TMEM132D: variants seen among roughly 807,000 people sequenced by gnomAD.
TMEM132D encodes mature OL transmembrane protein.
A neutral mutation model predicts 62.3 loss-of-function variants in TMEM132D; 21 were observed. That is an observed-to-expected ratio of 0.34 (90% CI 0.24 to 0.49). TMEM132D has a LOEUF of 0.49. Ranked by LOEUF, TMEM132D falls within the 20% of genes least tolerant of loss-of-function variation. The pLI is 0.99. For synonymous variants in TMEM132D, 621 were observed against 575.6 expected (o/e 1.08, Z -1.13); for missense variants, 1,346 against 1,402.8 (o/e 0.96, Z 0.65).
chr12:129,455,481 T>TAA (rs1873435897), intron 3 of TMEM132D, among the ~76,000 whole-genome samples: 1 of 152,214 alleles, frequency 6.6e-6, no homozygotes, highest in African/African-American at 2.4e-5. Flanking sequence ...CACACGTATA[T>TAA]AACGTGATTA....
In TMEM132D at chr12:129,391,036, G is replaced by A. The variant is rs370356315; in HGVS notation, c.1116-53219C>T. Among the ~76,000 whole-genome samples the A allele has an allele frequency of 1.4e-4, 22 of 152,248 alleles. No individual in the cohort carries two copies. In the East Asian group the frequency reaches 3.9e-3, roughly 27 times the overall value. On this transcript the variant is annotated intron_variant, in intron 3 of 8. Transcript: ENST00000422113. ...ACAGTACAGTACGTACTCTATAACT[G>A]TTCATTCTTATAACTATTGAATCAT...
intron 2 of TMEM132D, among the ~76,000 whole-genome samples, chr12:129,565,297 T>C (rs777936543): frequency 6.6e-6 from 1 of 152,172 alleles, no homozygotes; most frequent in Non-Finnish European, 1.5e-5. Context: ...AGCAGGAAAC[T>C]AGACCTAGAC....
rs141108255 is a variant in TMEM132D at position 129,227,300 on chromosome 12, A to AATATATATAT, written c.1300-17647_1300-17638dup. 9.2e-3 allele frequency among the ~76,000 whole-genome samples: 998 copies of AATATATATAT among 108,692 alleles called. 59 individuals carry two copies. The highest frequency in any genetic ancestry group is 0.047 in the East Asian group (157 of 3,338). 71.3% of individuals were successfully genotyped at this position (108,692 alleles called of 152,430 possible). ...ATCTGTCATCTGTCCTGCGTTAGGA[A>AATATATATAT]ATATATATATATATATATATATATA... On this transcript the variant is annotated intron_variant, in intron 4 of 8. Coordinates refer to ENST00000422113, the MANE Select transcript of TMEM132D (RefSeq NM_133448.3).
chr12:129,659,078 GTTGTTTGT>G (rs1385636106), intron 2 of TMEM132D, among the ~76,000 whole-genome samples: 1 of 145,944 alleles, frequency 6.9e-6, no homozygotes, highest in Non-Finnish European at 1.5e-5. Context: ...TTTTTTTTTT[GTTGTTTGT>G]TTGTTTGTAG....
chr12:129,734,466 T>C (rs1869355222), intron 1 of TMEM132D, among the ~76,000 whole-genome samples: 1 of 152,204 alleles, frequency 6.6e-6, no homozygotes. Context: ...CTTTGTTCAG[T>C]ACATTGTGGA....
intron 3 of TMEM132D, among the ~76,000 whole-genome samples, chr12:129,370,497 G>A (rs1448123913): frequency 6.6e-6 from 1 of 152,152 alleles, no homozygotes; most frequent in Non-Finnish European, 1.5e-5. Context: ...GTATAGTCAG[G>A]TTCATTTATG....
At chr12:129,672,371 GC>G (rs1054039022) in intron 2 of TMEM132D, among the ~76,000 whole-genome samples, 8 of 152,206 alleles carry the variant, frequency 5.3e-5, no homozygotes, top group African/African-American at 1.9e-4. Flanking sequence ...AGGGAGCCCA[GC>G]TCGTCACCTT....
chr12:129,343,603 C>A (rs765869499), intron 3 of TMEM132D, among the ~76,000 whole-genome samples: 1 of 152,010 alleles, frequency 6.6e-6, no homozygotes, highest in Admixed American at 6.5e-5. Context: ...AAAGACATCC[C>A]TAATTTTGTT....
intron 3 of TMEM132D, among the ~76,000 whole-genome samples, chr12:129,460,374 C>T (rs372233375): frequency 5.3e-5 from 8 of 152,216 alleles, no homozygotes; most frequent in South Asian, 2.1e-4. Flanking sequence ...TTTGAAAAAG[C>T]GGATAAGGTC....
At chr12:129,386,582 A>G (rs943880568) in intron 3 of TMEM132D, among the ~76,000 whole-genome samples, 1 of 151,890 alleles carries the variant, frequency 6.6e-6, no homozygotes, top group Non-Finnish European at 1.5e-5. Flanking sequence ...ACCAACGCCA[A>G]TGCCAACACT....
intron 3 of TMEM132D, among the ~76,000 whole-genome samples, chr12:129,457,336 A>G (rs1761818267): frequency 1.3e-5 from 2 of 150,642 alleles, no homozygotes; most frequent in Admixed American, 6.6e-5. Flanking sequence ...AAACTATTGC[A>G]AGGACAAAAA....
At chr12:129,762,346 T>G (rs979742044) in intron 1 of TMEM132D, among the ~76,000 whole-genome samples, 2 of 152,000 alleles carry the variant, frequency 1.3e-5, no homozygotes, top group Admixed American at 6.5e-5. Context: ...ATGGGCAGAT[T>G]GAATTTTTTA....
chr12:129,714,377 G>T (rs1444793913), intron 1 of TMEM132D, among the ~76,000 whole-genome samples: 1 of 152,220 alleles, frequency 6.6e-6, no homozygotes, highest in Non-Finnish European at 1.5e-5. Context: ...TGGAAGCAGA[G>T]ATTTGAATTG....
chr12:129,396,100 G>C (rs991435945), intron 3 of TMEM132D, among the ~76,000 whole-genome samples: 1 of 150,170 alleles, frequency 6.7e-6, no homozygotes, highest in East Asian at 1.9e-4. Flanking sequence ...TACAGATATA[G>C]GTATGTCTTG....
chr12:129,154,163 G>C (rs1221793372), intron 5 of TMEM132D, among the ~76,000 whole-genome samples: 1 of 152,202 alleles, frequency 6.6e-6, no homozygotes, highest in Non-Finnish European at 1.5e-5. Flanking sequence ...TGAAGATCCA[G>C]TGAAGGGGAG....
At chr12:129,854,899 G>A (rs1334396592) in intron 1 of TMEM132D, 1 of 152,274 alleles carries the variant, frequency 6.6e-6, no homozygotes, top group East Asian at 1.9e-4. Context: ...CGGTCTACCA[G>A]ATGACTTTTC....
At chr12:129,771,265 C>T (rs1044809920) in intron 1 of TMEM132D, among the ~76,000 whole-genome samples, 3 of 152,172 alleles carry the variant, frequency 2.0e-5, no homozygotes, top group South Asian at 2.1e-4. Context: ...CTGGCTCTAC[C>T]GCATACCAAC....
At chr12:129,508,050 T>C (rs971649815) in intron 3 of TMEM132D, among the ~76,000 whole-genome samples, 1 of 152,136 alleles carries the variant, frequency 6.6e-6, no homozygotes, top group African/African-American at 2.4e-5. Context: ...AGCTGATTTA[T>C]CCTATCTTTA....
At chr12:129,233,526 G>A (rs1593305330) in intron 4 of TMEM132D, among the ~76,000 whole-genome samples, 2 of 152,320 alleles carry the variant, frequency 1.3e-5, no homozygotes, top group East Asian at 3.9e-4. Flanking sequence ...GTTGGAGGAA[G>A]TCTGAAAAGA....
Sources: gnomAD v4.1 joint callset for allele counts (sites outside exome capture counted in the v4.1 genomes callset) on GRCh38, gnomAD v4.1.1 for gene constraint, MANE v1.5 for transcripts, NCBI Gene and HGNC (gene_info 2026-07-23, HGNC 2026-07-21) for gene names.